The following AJAP1 variants were observed in gnomAD, a reference collection of about 807,000 sequenced individuals.
The protein encoded by AJAP1 is adherens junctions associated protein 1, also known as adherens junction-associated protein 1.
In AJAP1, 5 loss-of-function variants were observed where a neutral mutation model predicts 35.0. The observed-to-expected ratio is 0.14, with a 90% CI of 0.07 to 0.30. The LOEUF (loss-of-function observed/expected upper bound fraction) is 0.30. AJAP1 is among the 10% of genes least tolerant of loss of function. The pLI is 1.00. For synonymous variants in AJAP1, 284 were observed against 249.3 expected, an observed-to-expected ratio of 1.14 and a Z score of -1.31; for missense variants, 586 against 571.0, an observed-to-expected ratio of 1.03 and a Z score of -0.27.
At chr1:4,748,822 G>A (rs1030524222) in intron 2 of AJAP1, among the ~76,000 whole-genome samples, 2 of 151,570 alleles carry the variant, frequency 1.3e-5, no homozygotes, top group Non-Finnish European at 2.9e-5. Flanking sequence ...GCACCCTGGA[G>A]TCTTTTTGCC....
intron 2 of AJAP1, among the ~76,000 whole-genome samples, chr1:4,739,997 G>A (rs1001550021): frequency 3.3e-5 from 5 of 152,202 alleles, no homozygotes. Flanking sequence ...CATCTTGGAA[G>A]GAGAAAGGAC....
intron 5 of AJAP1, 90 bp downstream of exon 5, chr1:4,774,648 C>G (rs1641907010): frequency 1.4e-6 from 1 of 709,544 alleles, no homozygotes; most frequent in South Asian, 1.8e-5. Context: ...TCACTGGGAG[C>G]TCTTTTAGAC....
intron 5 of AJAP1, among the ~76,000 whole-genome samples, chr1:4,779,391 A>G (rs569204448): frequency 6.7e-6 from 1 of 149,726 alleles, no homozygotes; most frequent in South Asian, 2.1e-4. Context: ...GCTGGAGTGC[A>G]GTGGCTCGAT....
intron 2 of AJAP1, among the ~76,000 whole-genome samples, chr1:4,769,289 G>A (rs889429482): frequency 6.6e-6 from 1 of 152,122 alleles, no homozygotes; most frequent in African/African-American, 2.4e-5. Flanking sequence ...ATTTCACCCC[G>A]TGATCTGGGT....
At chr1:4,740,740 C>A (rs370809635) in intron 2 of AJAP1, among the ~76,000 whole-genome samples, 2 of 138,486 alleles carry the variant, frequency 1.4e-5, no homozygotes, top group Non-Finnish European at 3.0e-5. Flanking sequence ...GAGCCGAGAT[C>A]GCACCACTGC....
At chr1:4,726,692 A>T (rs887464417) in intron 2 of AJAP1, among the ~76,000 whole-genome samples, 1 of 152,156 alleles carries the variant, frequency 6.6e-6, no homozygotes, top group African/African-American at 2.4e-5. Context: ...ATCCTGATTC[A>T]GGCAGGAGGG....
At chr1:4,781,821 A>G (rs1642069543) in intron 5 of AJAP1, among the ~76,000 whole-genome samples, 1 of 152,070 alleles carries the variant, frequency 6.6e-6, no homozygotes, top group South Asian at 2.1e-4. Context: ...GGGGGCTCTC[A>G]CTCAGCCAGG....
chr1:4,777,638 G>A (rs1261602505), intron 5 of AJAP1: 1 of 152,216 alleles, frequency 6.6e-6, no homozygotes, highest in South Asian at 2.1e-4. Context: ...AGCAAACCTC[G>A]TTAATGTTGA....
rs1156992341 is a variant in AJAP1, at chr1:4,656,423, G to C, written c.29+969G>C. ...TGGAACCGCGAGCGGGGAGGACAGA[G>C]GTGGAGGCGGAGAGCAGCGTGCGGT... On this transcript the variant is annotated intron_variant, in intron 1 of 5. Coordinates refer to ENST00000378191, the MANE Select transcript of AJAP1 (RefSeq NM_018836.4). This position sits in a 1 kb window ranked among gnomAD's most constrained non-coding sequence, Gnocchi z 5.7. Among the ~76,000 whole-genome samples the C allele has an allele frequency of 6.6e-6, 1 of 152,234 alleles. No homozygotes were observed. Among genetic ancestry groups the C allele is most frequent in the African/African-American group, 2.4e-5 (1 of 41,474 alleles).
chr1:4,731,657 G>T (rs527858485), intron 2 of AJAP1, among the ~76,000 whole-genome samples: 6 of 152,304 alleles, frequency 3.9e-5, no homozygotes, highest in Admixed American at 3.3e-4. Context: ...TAACATACAG[G>T]GTCCCCAACA....
intron 1 of AJAP1, among the ~76,000 whole-genome samples, chr1:4,688,119 G>C (rs1212843118): frequency 6.6e-6 from 1 of 152,204 alleles, no homozygotes; most frequent in Non-Finnish European, 1.5e-5. Context: ...CTGAGGCTGG[G>C]CTGTGCTGGA....
intron 2 of AJAP1, among the ~76,000 whole-genome samples, chr1:4,714,916 AG>A (rs1640354139): frequency 6.6e-6 from 1 of 152,206 alleles, no homozygotes; most frequent in African/African-American, 2.4e-5. Flanking sequence ...AGACCAGAGC[AG>A]GAACAATTTA....
At chr1:4,703,986 C>T (rs1050743496) in intron 1 of AJAP1, among the ~76,000 whole-genome samples, 1 of 152,190 alleles carries the variant, frequency 6.6e-6, no homozygotes, top group Non-Finnish European at 1.5e-5. Context: ...CTGCTTCTCC[C>T]CACAACGCCC....
At chr1:4,773,687 G>A (rs12029492) in intron 4 of AJAP1, among the ~76,000 whole-genome samples, 21,952 of 152,204 alleles carry the variant, frequency 0.14, 1,781 homozygotes, top group East Asian at 0.37. Context: ...ACAAATAACC[G>A]GCTAACAGAT....
chr1:4,659,900 G>T (rs567728910), intron 1 of AJAP1, among the ~76,000 whole-genome samples: 21 of 152,280 alleles, frequency 1.4e-4, no homozygotes, highest in Admixed American at 5.2e-4. Context: ...TTTCCATGGC[G>T]ATGACCTGAT....
At chr1:4,727,020 G>A (rs1363909675) in intron 2 of AJAP1, among the ~76,000 whole-genome samples, 2 of 152,170 alleles carry the variant, frequency 1.3e-5, no homozygotes, top group Non-Finnish European at 2.9e-5. Flanking sequence ...CCAGCCCCCC[G>A]GCGTGGGCCA....
At chr1:4,769,992 C>T (rs1472023732) in intron 3 of AJAP1, 52 bp downstream of exon 3, 1 of 1,497,714 alleles carries the variant, frequency 6.7e-7, no homozygotes, top group Non-Finnish European at 9.3e-7. Context: ...ACCGGGGTCC[C>T]TGGGTGGTGA....
intron 1 of AJAP1, among the ~76,000 whole-genome samples, chr1:4,657,010 C>G (rs1334091867): frequency 6.6e-6 from 1 of 152,202 alleles, no homozygotes; most frequent in Non-Finnish European, 1.5e-5. Context: ...AATGACCAGA[C>G]GGGTCCCCAC....
intron 1 of AJAP1, among the ~76,000 whole-genome samples, chr1:4,683,789 CA>C (rs1039180207): frequency 1.3e-5 from 2 of 152,154 alleles, no homozygotes; most frequent in Non-Finnish European, 2.9e-5. Context: ...TGATGGGGCT[CA>C]GGGGGCAAGG....
Sources: allele counts gnomAD v4.1 joint callset (sites outside exome capture counted in the v4.1 genomes callset), GRCh38; gene constraint gnomAD v4.1.1; non-coding constraint Gnocchi (gnomAD v3.1); transcripts MANE v1.5; gene names NCBI Gene and HGNC (gene_info 2026-07-23, HGNC 2026-07-21).